EPHA3: variants seen among roughly 807,000 people sequenced by gnomAD.
EPHA3 encodes the protein EPH receptor A3.
In EPHA3, 42 loss-of-function variants were observed where a neutral mutation model predicts 107.1. That is an observed-to-expected ratio of 0.39 (90% confidence interval 0.31 to 0.51). The LOEUF (loss-of-function observed/expected upper bound fraction) is 0.51, where lower values mean the gene tolerates loss of function less well. Ranked by LOEUF, EPHA3 falls within the 20% of genes least tolerant of loss-of-function variation. The pLI is 0.78. For missense variants in EPHA3, 1,183 were observed against 1,211.2 expected, an observed-to-expected ratio of 0.98 and a Z score of 0.35; for synonymous variants, 461 against 424.8, an observed-to-expected ratio of 1.09 and a Z score of -1.05.
At chr3:89,256,184 G>C (rs931419793) in intron 3 of EPHA3, among the ~76,000 whole-genome samples, 9 of 151,624 alleles carry the variant, frequency 5.9e-5, no homozygotes, top group African/African-American at 1.7e-4. Context: ...CCAGGAGGCA[G>C]AGGTTGCAGT....
At chr3:89,292,358 G>A (rs1481743490) in intron 3 of EPHA3, among the ~76,000 whole-genome samples, 1 of 152,080 alleles carries the variant, frequency 6.6e-6, no homozygotes, top group African/African-American at 2.4e-5. Flanking sequence ...ATGATTTAAA[G>A]TATACAAGAG....
intron 3 of EPHA3, among the ~76,000 whole-genome samples, chr3:89,273,508 T>C (rs1196974911): frequency 6.6e-6 from 1 of 151,934 alleles, no homozygotes; most frequent in Non-Finnish European, 1.5e-5. Context: ...GAATGGATGC[T>C]TGTGAAGTGG....
chr3:89,460,823 C>CTCTTTT lies in EPHA3; in HGVS notation c.2690+10454_2690+10455insCTTTTT, dbSNP rs1199238290. 1.6e-3 allele frequency among the ~76,000 whole-genome samples: 169 copies of CTCTTTT among 102,910 alleles called. 1 individual carries two copies. Among genetic ancestry groups the CTCTTTT allele is most frequent in the African/African-American group, 3.5e-3 (94 of 27,240 alleles). 67.5% of individuals were successfully genotyped at this position (102,910 alleles called of 152,430 possible). On this transcript the variant is annotated intron_variant, in intron 15 of 16. Coordinates refer to ENST00000336596, the MANE Select transcript of EPHA3 (RefSeq NM_005233.6). ...ATACCCAAGTGATCTCTCTGTCTCTCTTTTTTTTTTTTTTTATTATACTCT... is the reference window on the plus strand; with the variant it reads ...ATACCCAAGTGATCTCTCTGTCTCTCTCTTTTTTTTTTTTTTTTTTTATTATACTCT...
Position 89,419,363 on chromosome 3 carries a change from A to G in EPHA3, c.2047A>G (p.Ile683Val). 6.3e-7 allele frequency: 1 copy of G among 1,598,646 alleles called. No individual in the cohort carries two copies. The highest frequency in any genetic ancestry group is 8.5e-7 in the Non-Finnish European group (1 of 1,173,108). Residue 683 changes from isoleucine to valine, a missense_variant, in exon 11 of 17, where the codon ATT becomes GTT. Physicochemically the swap from Ile to Val is conservative, Grantham distance 29. Transcript: ENST00000336596. Reference sequence around the variant, plus strand: ...GGGACAGTTTGACCACCCCAATATCATTCGACTGGAAGGAGTTGTTACCAA... The same window carrying G: ...GGGACAGTTTGACCACCCCAATATCGTTCGACTGGAAGGAGTTGTTACCAA... ...IMGQFDHPNI[I>V]RLEGVVTKSK...
chr3:89,478,183 A>G (rs2107580408), intron 16 of EPHA3, among the ~76,000 whole-genome samples: 1 of 152,222 alleles, frequency 6.6e-6, no homozygotes, highest in Non-Finnish European at 1.5e-5. Flanking sequence ...TATAATCTTT[A>G]TTTTAATGCC....
chr3:89,302,293 G>T (rs569120920), intron 3 of EPHA3, among the ~76,000 whole-genome samples: 2 of 152,118 alleles, frequency 1.3e-5, no homozygotes, highest in East Asian at 3.9e-4. Context: ...TGGTGACATG[G>T]TTTTCCCTAC....
At chr3:89,290,541 TATTA>T (rs1304479237) in intron 3 of EPHA3, among the ~76,000 whole-genome samples, 1 of 152,226 alleles carries the variant, frequency 6.6e-6, no homozygotes, top group Non-Finnish European at 1.5e-5. Context: ...AAAAATTCCT[TATTA>T]ATTATTACTT....
rs183331401 is a variant in EPHA3, at chr3:89,428,373, G to A, written c.2075-733G>A. ...TATAAATTAATTACACCAGCATCAT[G>A]CTCACAATAAGTACTATTTAAATAC... On this transcript the variant is annotated intron_variant, in intron 11 of 16. Transcript: ENST00000336596. 1.6e-3 allele frequency among the ~76,000 whole-genome samples: 246 copies of A among 152,060 alleles called. 1 individual carries two copies. The highest frequency in any genetic ancestry group is 6.8e-3 in the Middle Eastern group (2 of 294).
intron 3 of EPHA3, among the ~76,000 whole-genome samples, chr3:89,284,909 T>C (rs902938859): frequency 2.0e-5 from 3 of 152,068 alleles, no homozygotes; most frequent in African/African-American, 2.4e-5. Flanking sequence ...GGTGGATCAC[T>C]TGAGGTCAGG....
chr3:89,427,065 G>C (rs1289900001), intron 11 of EPHA3, among the ~76,000 whole-genome samples: 1 of 151,694 alleles, frequency 6.6e-6, no homozygotes, highest in African/African-American at 2.4e-5. Flanking sequence ...GGGGGCTCAA[G>C]GTTTTGACTG....
chr3:89,240,756 G>A (rs1296978060), intron 3 of EPHA3, among the ~76,000 whole-genome samples: 1 of 151,894 alleles, frequency 6.6e-6, no homozygotes. Context: ...TAAAGCAGAA[G>A]AAATTATGGA....
Position 89,407,272 on chromosome 3 carries a change from T to A in EPHA3, c.1598T>A (p.Phe533Tyr). The A allele has an allele frequency of 6.2e-7, 1 of 1,613,110 alleles. No homozygotes were observed. Among genetic ancestry groups the A allele is most frequent in the Non-Finnish European group, 8.5e-7 (1 of 1,179,254 alleles). ...TTTTTTCTCTTCAACCTCACAGCTT[T>A]CTCCATCTCTGGTGAAAGTAGCCAA... Reference protein sequence around the residue: ...KFEFETSPDSFSISGESSQVV... With the variant: ...KFEFETSPDSYSISGESSQVV... Residue 533 changes from phenylalanine (F) to tyrosine (Y), a missense_variant, in exon 8 of 17, where the codon TTC becomes TAC. Phe to Tyr is a conservative substitution (Grantham distance 22). Transcript: ENST00000336596.
intron 3 of EPHA3, among the ~76,000 whole-genome samples, chr3:89,243,691 T>A (rs539589517): frequency 6.6e-6 from 1 of 152,140 alleles, no homozygotes; most frequent in East Asian, 1.9e-4. Context: ...TTGCAAAAAT[T>A]TTCTCCCATT....
At chr3:89,315,601 G>A (rs1453113712) in intron 3 of EPHA3, among the ~76,000 whole-genome samples, 3 of 148,222 alleles carry the variant, frequency 2.0e-5, no homozygotes, top group South Asian at 2.1e-4. Context: ...TCTGTGAAGA[G>A]AAATTTCCTT....
intron 13 of EPHA3, among the ~76,000 whole-genome samples, chr3:89,442,577 C>T (rs1259731679): frequency 3.3e-5 from 5 of 152,082 alleles, no homozygotes; most frequent in East Asian, 1.9e-4. Flanking sequence ...ACAGGACAGC[C>T]GTCACAGCAA....
At chr3:89,204,940 A>G (rs764765289) in intron 2 of EPHA3, among the ~76,000 whole-genome samples, 13 of 152,340 alleles carry the variant, frequency 8.5e-5, no homozygotes, top group Non-Finnish European at 8.8e-5. Context: ...AAGATTAATC[A>G]TCATCAGCAT....
At chr3:89,366,374 G>T (rs1708184400) in intron 5 of EPHA3, among the ~76,000 whole-genome samples, 2 of 150,552 alleles carry the variant, frequency 1.3e-5, no homozygotes, top group Non-Finnish European at 3.0e-5. Flanking sequence ...AAGAAAGGAT[G>T]ATAATACCAT....
At chr3:89,413,045 A>G in intron 9 of EPHA3, 96 bp from the exon 10 acceptor site, 1 of 1,514,870 alleles carries the variant, frequency 6.6e-7, no homozygotes, top group Non-Finnish European at 9.0e-7. Flanking sequence ...CTTATGGGGT[A>G]GGGATTTTTT....
At chr3:89,386,766 T>G (rs116226814) in intron 5 of EPHA3, among the ~76,000 whole-genome samples, 2,439 of 152,036 alleles carry the variant, frequency 0.016, 68 homozygotes, top group African/African-American at 0.056. Flanking sequence ...ATGGGAGGAG[T>G]GCTGTACCCT....
Sources: allele counts gnomAD v4.1 joint callset (sites outside exome capture counted in the v4.1 genomes callset), GRCh38; gene constraint gnomAD v4.1.1; transcripts MANE v1.5; gene names NCBI Gene and HGNC (gene_info 2026-07-23, HGNC 2026-07-21).